The following CCT6A variants were observed in gnomAD, a reference collection of about 807,000 sequenced individuals.
CCT6A encodes the protein chaperonin containing TCP1 subunit 6A, also known as T-complex protein 1 subunit zeta.
A neutral mutation model predicts 58.6 loss-of-function variants in CCT6A; 6 were observed. That is an observed-to-expected ratio of 0.10 (90% CI 0.06 to 0.20). CCT6A has a LOEUF of 0.20. Among genes scored for constraint, CCT6A ranks in the 10% least tolerant of loss-of-function variants. CCT6A has a pLI of 1.00. For synonymous variants in CCT6A, 245 were observed against 227.8 expected (o/e 1.08, Z -0.68); for missense variants, 516 against 648.8 (o/e 0.80, Z 2.22).
chr7:56,062,909 A>T, intron 13 of CCT6A, 104 bp from the exon 14 acceptor site: 1 of 1,152,954 alleles, frequency 8.7e-7, no homozygotes, highest in Non-Finnish European at 1.3e-6. Context: ...GGGAAGGGGG[A>T]AATTTAATTG....
chr7:56,062,166 T>C (rs73126309), intron 12 of CCT6A: 11,129 of 229,076 alleles, frequency 0.049, 371 homozygotes, highest in Non-Finnish European at 0.069. Flanking sequence ...GATAAGAAAA[T>C]AGATGTGGTG....
In CCT6A at chr7:56,052,435, G is replaced by T; in HGVS notation, c.151G>T (p.Ala51Ser). Residue 51 changes from alanine (A) to serine (S), a missense_variant, in exon 2 of 14, where the codon GCT becomes TCT. Ala to Ser is a moderately conservative substitution (Grantham distance 99). Coordinates refer to ENST00000275603, the MANE Select transcript of CCT6A (RefSeq NM_001762.4). ...TCCTTTAAACAGGCTCGTTTCTGGC[G>T]CTGGAGACATCAAACTTACTAAAGA... ...KGTMKMLVSGAGDIKLTKDGN... is the reference protein window; with the variant it reads ...KGTMKMLVSGSGDIKLTKDGN... 2 of 1,613,968 alleles carry T rather than the reference G, an allele frequency of 1.2e-6. No individual in the cohort carries two copies. Among genetic ancestry groups the T allele is most frequent in the Non-Finnish European group, 1.7e-6 (2 of 1,179,830 alleles).
intron 12 of CCT6A, chr7:56,062,180 A>AT (rs1454209525): frequency 4.5e-6 from 1 of 221,618 alleles, no homozygotes; most frequent in Non-Finnish European, 8.9e-6. Flanking sequence ...TGTGGTGATT[A>AT]TATTCATGGG....
Position 56,054,821 on chromosome 7 carries a change from C to T in CCT6A, c.336+318C>T, listed in dbSNP as rs554868166. Among the ~76,000 whole-genome samples, 15 of 152,266 alleles carry T rather than the reference C, an allele frequency of 9.9e-5. No homozygotes were observed. The South Asian group carries it at 2.9e-3, about 29-fold the overall frequency. ...TTGTTAGGAAAAAGGCAACCAAAAG[C>T]TTATATTTGGATAAATTCCACTTTT... is the stretch of plus-strand genomic sequence containing the variant. On this transcript the variant is annotated intron_variant, in intron 3 of 13. Transcript: ENST00000275603.
In CCT6A at chr7:56,057,212, G is replaced by A. The variant is rs1794328109; in HGVS notation, c.615-781G>A. 2.6e-5 allele frequency among the ~76,000 whole-genome samples: 4 copies of A among 152,126 alleles called. No homozygotes were observed. In the South Asian group the frequency reaches 8.3e-4, roughly 32 times the overall value. ...GAAATAAGGTGAATGTTATGTTTATGGTTAGAATGATTCTGAAAAGTGAAC... is the reference window on the plus strand; with the variant it reads ...GAAATAAGGTGAATGTTATGTTTATAGTTAGAATGATTCTGAAAAGTGAAC... On this transcript the variant is annotated intron_variant, in intron 5 of 13. Transcript: ENST00000275603.
At chr7:56,056,083 T>C (rs552146856) in intron 4 of CCT6A, among the ~76,000 whole-genome samples, 17 of 151,900 alleles carry the variant, frequency 1.1e-4, no homozygotes, top group African/African-American at 4.1e-4. Flanking sequence ...AAACGAGGAA[T>C]GTTAATGTTA....
intron 5 of CCT6A, among the ~76,000 whole-genome samples, chr7:56,057,342 A>G (rs1248801287): frequency 2.7e-5 from 4 of 148,030 alleles, no homozygotes; most frequent in African/African-American, 4.9e-5. Context: ...GTTAGAAAAC[A>G]TGTTTGTTTT....
chr7:56,061,117 G>T (rs1375488696), intron 11 of CCT6A, among the ~76,000 whole-genome samples, 177 bp downstream of exon 11: 1 of 152,242 alleles, frequency 6.6e-6, no homozygotes, highest in Non-Finnish European at 1.5e-5. Context: ...TGGGAAGCCT[G>T]AATAGCTGAC....
At chr7:56,057,609 A>G (rs1296076548) in intron 5 of CCT6A, among the ~76,000 whole-genome samples, 5 of 152,304 alleles carry the variant, frequency 3.3e-5, no homozygotes, top group East Asian at 1.9e-4. Flanking sequence ...GGCCGGGCGC[A>G]GTGGCTCATG....
intron 9 of CCT6A, 59 bp downstream of exon 9, chr7:56,059,699 T>G (rs1794391762): frequency 4.5e-6 from 4 of 891,430 alleles, no homozygotes; most frequent in Non-Finnish European, 7.5e-6. Context: ...TTATTTTTGT[T>G]TGTTTGTTTG....
chr7:56,051,792 A>G lies in CCT6A; in HGVS notation c.-57A>G. The G allele has an allele frequency of 2.6e-6, 4 of 1,534,216 alleles. No individual in the cohort carries two copies. The highest frequency in any genetic ancestry group is 2.6e-5 in the East Asian group (1 of 38,826). ...AAGACCCGGATAGTTCCTCCCGGCC[A>G]CGCCGCGCCGGCTCTGGGCACTCAG... is the stretch of plus-strand genomic sequence containing the variant. On this transcript the variant is annotated 5_prime_UTR_variant, in exon 1 of 14. Coordinates refer to ENST00000275603, the MANE Select transcript of CCT6A (RefSeq NM_001762.4).
At chr7:56,052,636 A>G (rs1794171860) in intron 2 of CCT6A, 151 bp downstream of exon 2, 2 of 669,622 alleles carry the variant, frequency 3.0e-6, no homozygotes, top group South Asian at 3.6e-5. Context: ...GGAGTCTGAC[A>G]GCCCTGCCTT....
chr7:56,052,773 G>A (rs1794180647), intron 2 of CCT6A, among the ~76,000 whole-genome samples: 1 of 139,236 alleles, frequency 7.2e-6, no homozygotes, highest in African/African-American at 2.6e-5. Context: ...AATGCATGAG[G>A]ATGATTTTTC....
At chr7:56,053,166 CTT>C (rs1794218184) in intron 2 of CCT6A, among the ~76,000 whole-genome samples, 1 of 152,164 alleles carries the variant, frequency 6.6e-6, no homozygotes. Context: ...AAATCTGTCT[CTT>C]TGCAAGTCTT....
chr7:56,059,168 T>C (rs1794378927), intron 8 of CCT6A, among the ~76,000 whole-genome samples: 1 of 151,980 alleles, frequency 6.6e-6, no homozygotes, highest in African/African-American at 2.4e-5. Context: ...ACTGAATTGC[T>C]TTGTGTTTTT....
At chr7:56,061,942 G>A (rs1794449809) in intron 12 of CCT6A, 93 bp downstream of exon 12, 3 of 656,364 alleles carry the variant, frequency 4.6e-6, no homozygotes, top group Non-Finnish European at 7.7e-6. Context: ...TTTGCAATTT[G>A]ACACCAGTGC....
intron 7 of CCT6A, 43 bp from the exon 8 acceptor site, chr7:56,058,577 T>C (rs778611650): frequency 1.3e-6 from 2 of 1,580,836 alleles, no homozygotes; most frequent in South Asian, 1.1e-5. Context: ...CTTTTTACTT[T>C]TAAGGTGAAA....
chr7:56,057,361 G>GT (rs1794330792), intron 5 of CCT6A, among the ~76,000 whole-genome samples: 1 of 150,766 alleles, frequency 6.6e-6, no homozygotes, highest in Non-Finnish European at 1.5e-5. Flanking sequence ...TTCCCTTTGG[G>GT]GTGTGTGTGT....
chr7:56,059,833 C>T (rs780127620), intron 9 of CCT6A, 193 bp downstream of exon 9: 12 of 513,752 alleles, frequency 2.3e-5, no homozygotes, highest in African/African-American at 5.9e-5. Context: ...GGACCACAGA[C>T]GTGTGTGCTA....
Sources: gnomAD v4.1 joint callset for allele counts (sites outside exome capture counted in the v4.1 genomes callset) on GRCh38, gnomAD v4.1.1 for gene constraint, MANE v1.5 for transcripts, NCBI Gene and HGNC (gene_info 2026-07-23, HGNC 2026-07-21) for gene names.